Variants in SPATA13 observed in about 807,000 individuals in gnomAD.
SPATA13 encodes the protein spermatogenesis associated 13.
SPATA13 carries 50 observed loss-of-function variants against 104.0 expected under a neutral mutation model. The ratio of observed to expected loss-of-function variants is 0.48; its 90% CI spans 0.38 to 0.61. The LOEUF is 0.61. SPATA13 is among the 20% of genes least tolerant of loss of function. The pLI, the probability that SPATA13 is intolerant of heterozygous loss-of-function variation, is 0.00. For synonymous variants in SPATA13, 606 were observed against 667.5 expected, an observed-to-expected ratio of 0.91 and a Z score of 1.42; for missense variants, 1,524 against 1,690.6, an observed-to-expected ratio of 0.90 and a Z score of 1.73.
At chr13:24,079,228 G>A (rs1021460612) in intron 3 of SPATA13, among the ~76,000 whole-genome samples, 3 of 152,334 alleles carry the variant, frequency 2.0e-5, no homozygotes, top group Admixed American at 6.5e-5. Flanking sequence ...GACTTTGGGT[G>A]TGAAGTAGAA....
At chr13:24,084,237 G>A (rs1355096131) in intron 3 of SPATA13, among the ~76,000 whole-genome samples, 1 of 152,164 alleles carries the variant, frequency 6.6e-6, no homozygotes, top group Non-Finnish European at 1.5e-5. Context: ...GTGGAAAGAG[G>A]GGAAAAGGGC....
intron 3 of SPATA13, among the ~76,000 whole-genome samples, chr13:24,054,830 T>C (rs9580851): frequency 0.046 from 6,953 of 152,262 alleles, 514 homozygotes; most frequent in African/African-American, 0.16. Flanking sequence ...ATTCAGTCAC[T>C]TATGAAGTGT....
chr13:24,012,406 A>G (rs1047522623), intron 2 of SPATA13, among the ~76,000 whole-genome samples: 1 of 152,222 alleles, frequency 6.6e-6, no homozygotes, highest in Non-Finnish European at 1.5e-5. Context: ...CAGTATCTTG[A>G]GAAGTACACA....
intron 1 of SPATA13, among the ~76,000 whole-genome samples, chr13:23,980,844 G>A (rs904676747): frequency 2.6e-4 from 40 of 152,236 alleles, no homozygotes; most frequent in African/African-American, 9.4e-4. Context: ...CGCCCGCCTC[G>A]GCCTCCCTAA....
At chr13:24,273,970 A>G (rs559288653) in intron 4 of SPATA13, among the ~76,000 whole-genome samples, 1 of 152,314 alleles carries the variant, frequency 6.6e-6, no homozygotes, top group Admixed American at 6.5e-5. Flanking sequence ...GATTACAGGC[A>G]TGAGCCACTG....
At chr13:24,234,220 A>G (rs1872447692) in intron 2 of SPATA13, among the ~76,000 whole-genome samples, 1 of 152,228 alleles carries the variant, frequency 6.6e-6, no homozygotes, top group Non-Finnish European at 1.5e-5. Context: ...AAGTTTAAGA[A>G]ATGATAGGAA....
chr13:24,170,903 T>TTGATGGGATTGTTTTA (rs1011992354), intron 1 of SPATA13, among the ~76,000 whole-genome samples: 4 of 151,972 alleles, frequency 2.6e-5, no homozygotes, highest in African/African-American at 9.7e-5. Context: ...AGAGTGTTCT[T>TTGATGGGATTGTTTTA]TGATGGGATT....
chr13:24,259,063 C>T (rs527933780), intron 4 of SPATA13, among the ~76,000 whole-genome samples: 52 of 152,330 alleles, frequency 3.4e-4, no homozygotes, highest in African/African-American at 1.2e-3. Context: ...CATCTCGTCT[C>T]ATGCCTGGCC....
chr13:24,215,128 G>A (rs988095568), intron 1 of SPATA13, among the ~76,000 whole-genome samples: 1 of 152,180 alleles, frequency 6.6e-6, no homozygotes, highest in Non-Finnish European at 1.5e-5. Flanking sequence ...GAGAGATGGG[G>A]TGTGTGCTCC....
At chr13:24,104,871 G>A (rs948270920) in intron 3 of SPATA13, among the ~76,000 whole-genome samples, 2 of 152,104 alleles carry the variant, frequency 1.3e-5, no homozygotes, top group Admixed American at 6.5e-5. Context: ...CCAGCTCCTC[G>A]CCAGAGGCCA....
intron 3 of SPATA13, among the ~76,000 whole-genome samples, chr13:24,060,790 C>A (rs1049568147): frequency 6.6e-6 from 1 of 152,152 alleles, no homozygotes; most frequent in Non-Finnish European, 1.5e-5. Context: ...CGGCTGGGCA[C>A]GCTGGCTCAT....
rs146698150 is a variant in SPATA13, at chr13:24,184,162, G to C, written c.-112+23230G>C. ...GACTGTGTCTGAATAAGTTTTGAGTGAATGGGTACCTGGTGCTGGCGCTTG... is the reference window on the plus strand; with the variant it reads ...GACTGTGTCTGAATAAGTTTTGAGTCAATGGGTACCTGGTGCTGGCGCTTG... On this transcript the variant is annotated intron_variant, in intron 1 of 12. Coordinates refer to ENST00000382108, the MANE Select transcript of SPATA13 (RefSeq NM_001166271.3). 3.3e-4 allele frequency among the ~76,000 whole-genome samples: 51 copies of C among 152,308 alleles called. No individual in the cohort carries two copies. The East Asian group carries it at 8.7e-3, about 26-fold the overall frequency.
intron 3 of SPATA13, chr13:24,122,385 T>G: frequency 6.3e-7 from 1 of 1,576,612 alleles, no homozygotes. Flanking sequence ...CATCAATGAT[T>G]GTGGAATAGC....
chr13:24,276,057 G>A (rs1259563327), intron 4 of SPATA13, among the ~76,000 whole-genome samples: 3 of 152,166 alleles, frequency 2.0e-5, no homozygotes, highest in African/African-American at 7.2e-5. Context: ...AAATGATGCA[G>A]CCATGTGGAA....
chr13:24,146,029 G>T lies in SPATA13; in HGVS notation c.-111-76790G>T, dbSNP rs551576408. The stretch of plus-strand genomic sequence containing the variant: ...AGTGGCAGACACTTGGACTGAACAG[G>T]TAGCACAAGGTCCCTCTCTGGAGAG... On this transcript the variant is annotated intron_variant, in intron 3 of 14. Coordinates refer to the SPATA13 transcript ENST00000424834. Among the ~76,000 whole-genome samples, 5 of 152,220 alleles carry T rather than the reference G, an allele frequency of 3.3e-5. No homozygotes were observed. The East Asian group carries it at 9.6e-4, about 29-fold the overall frequency.
chr13:24,118,285 A>C (rs1880919318), intron 3 of SPATA13, among the ~76,000 whole-genome samples: 1 of 152,190 alleles, frequency 6.6e-6, no homozygotes, highest in Non-Finnish European at 1.5e-5. Flanking sequence ...TCTAATCCCT[A>C]ATTTATAGAT....
rs1273721602 is a variant in SPATA13, at chr13:24,051,176, C to G, written c.-112+33475C>G. ...TAGCCTCCTGAAGTTTTTGGAGACC[C>G]TAGTTCTGCTCCCCAGTCTCCACGC... is the stretch of plus-strand genomic sequence containing the variant. On this transcript the variant is annotated intron_variant, in intron 3 of 14. Transcript: ENST00000424834. The surrounding 1 kb of genome is among the most constrained non-coding windows in gnomAD (Gnocchi z 4.2). Among the ~76,000 whole-genome samples the G allele has an allele frequency of 1.3e-5, 2 of 152,154 alleles. No individual in the cohort carries two copies. Among genetic ancestry groups the G allele is most frequent in the African/African-American group, 2.4e-5 (1 of 41,420 alleles).
At chr13:24,127,522 A>AGGGTGAACCATC (rs139907377) in intron 3 of SPATA13, among the ~76,000 whole-genome samples, 2,960 of 152,324 alleles carry the variant, frequency 0.019, 75 homozygotes, top group African/African-American at 0.056. Flanking sequence ...GGTGAACCAT[A>AGGGTGAACCATC]GAGTGAACCA....
chr13:24,290,576 G>A, intron 8 of SPATA13, 76 bp from the exon 9 acceptor site: 3 of 1,093,868 alleles, frequency 2.7e-6, no homozygotes, highest in Admixed American at 3.5e-5. Context: ...CCTTAGAGAG[G>A]GCTGGGATGA....
Sources: allele counts gnomAD v4.1 joint callset (sites outside exome capture counted in the v4.1 genomes callset), GRCh38; gene constraint gnomAD v4.1.1; non-coding constraint Gnocchi (gnomAD v3.1); transcripts MANE v1.5; gene names NCBI Gene and HGNC (gene_info 2026-07-23, HGNC 2026-07-21).